The following IGSF11 variants were observed in gnomAD, a reference collection of about 807,000 sequenced individuals.
IGSF11 encodes CXADR like 1.
IGSF11 carries 22 observed loss-of-function variants against 41.0 expected under a neutral mutation model. That is an observed-to-expected ratio of 0.54 (90% CI 0.38 to 0.77). The LOEUF (loss-of-function observed/expected upper bound fraction) is 0.77, where lower values mean the gene tolerates loss of function less well. IGSF11 is among the 30% of genes least tolerant of loss of function. IGSF11 has a pLI of 0.00. For synonymous variants in IGSF11, 219 were observed against 201.3 expected (o/e 1.09, Z -0.74); for missense variants, 444 against 530.8 (o/e 0.84, Z 1.61).
At chr3:119,024,998 T>C (rs1313775011) in intron 1 of IGSF11, among the ~76,000 whole-genome samples, 1 of 152,170 alleles carries the variant, frequency 6.6e-6, no homozygotes, top group Non-Finnish European at 1.5e-5. Flanking sequence ...TCAAAGTAAG[T>C]AGCAATCAAT....
chr3:118,968,647 T>C (rs905681350), intron 1 of IGSF11, among the ~76,000 whole-genome samples: 18 of 152,088 alleles, frequency 1.2e-4, no homozygotes, highest in Admixed American at 7.9e-4. Flanking sequence ...AACTCTCTCT[T>C]TATCTCTTCG....
intron 1 of IGSF11, among the ~76,000 whole-genome samples, chr3:119,112,189 C>A (rs932272238): frequency 3.3e-5 from 5 of 152,210 alleles, no homozygotes; most frequent in African/African-American, 7.2e-5. Flanking sequence ...TGTGCCCTGC[C>A]CCCAGAGGTG....
chr3:119,141,222 C>T (rs1298710665), intron 1 of IGSF11, among the ~76,000 whole-genome samples: 2 of 151,160 alleles, frequency 1.3e-5, no homozygotes. Flanking sequence ...TGAGATAAAT[C>T]CAAATGAAAA....
intron 1 of IGSF11, among the ~76,000 whole-genome samples, chr3:119,099,887 T>C (rs1490688215): frequency 6.6e-6 from 1 of 152,176 alleles, no homozygotes; most frequent in Non-Finnish European, 1.5e-5. Flanking sequence ...AAACTCTGGG[T>C]AGTATTGAAC....
chr3:119,002,199 G>C (rs1427323986), intron 1 of IGSF11, among the ~76,000 whole-genome samples: 1 of 135,338 alleles, frequency 7.4e-6, no homozygotes. Context: ...TAGTGGTTTT[G>C]ATTTGCATTT....
chr3:118,913,803 A>G (rs769571424), intron 4 of IGSF11, among the ~76,000 whole-genome samples: 5 of 152,226 alleles, frequency 3.3e-5, no homozygotes, highest in Non-Finnish European at 7.3e-5. Flanking sequence ...GATGATTAAT[A>G]AGGAGAAAAG....
chr3:119,119,271 A>G (rs1329200599), intron 1 of IGSF11, among the ~76,000 whole-genome samples: 1 of 152,198 alleles, frequency 6.6e-6, no homozygotes, highest in African/African-American at 2.4e-5. Context: ...AAACTTCCAC[A>G]TGGCCAGGGA....
chr3:119,129,889 G>T (rs1398767006), intron 1 of IGSF11, among the ~76,000 whole-genome samples: 2 of 152,138 alleles, frequency 1.3e-5, no homozygotes, highest in Non-Finnish European at 2.9e-5. Flanking sequence ...GGGAGCTGAG[G>T]TGAGAGGATT....
chr3:118,905,389 T>G (rs987143514), intron 5 of IGSF11, among the ~76,000 whole-genome samples: 4 of 152,190 alleles, frequency 2.6e-5, no homozygotes, highest in African/African-American at 9.7e-5. Context: ...AGAAAGATAT[T>G]TTTTCATAAA....
intron 1 of IGSF11, among the ~76,000 whole-genome samples, chr3:118,931,145 G>A (rs1459585694): frequency 1.3e-5 from 2 of 152,098 alleles, no homozygotes; most frequent in African/African-American, 4.8e-5. Flanking sequence ...TTCAACAAAT[G>A]GTGCTGGGAT....
chr3:119,048,267 A>T (rs1248625208), intron 1 of IGSF11, among the ~76,000 whole-genome samples: 4 of 152,046 alleles, frequency 2.6e-5, no homozygotes. Flanking sequence ...AAATAAAGAA[A>T]AAAAGAGAGA....
chr3:119,127,309 C>G (rs144006151), intron 1 of IGSF11, among the ~76,000 whole-genome samples: 4 of 149,812 alleles, frequency 2.7e-5, no homozygotes, highest in African/African-American at 1.0e-4. Context: ...TGAAATAAGA[C>G]ATGCAGACAA....
At chr3:118,932,755 T>C (rs1386484349) in intron 1 of IGSF11, among the ~76,000 whole-genome samples, 1 of 152,172 alleles carries the variant, frequency 6.6e-6, no homozygotes, top group East Asian at 1.9e-4. Flanking sequence ...TAAGAATAAG[T>C]GTGGAAGCCA....
At chr3:118,935,395 C>T (rs1943188168) in intron 1 of IGSF11, among the ~76,000 whole-genome samples, 1 of 102,592 alleles carries the variant, frequency 9.7e-6, no homozygotes, top group Admixed American at 1.2e-4. Context: ...CACACACACA[C>T]ATACACACAC....
At chr3:118,987,812 T>C (rs1272289003) in intron 1 of IGSF11, among the ~76,000 whole-genome samples, 1 of 152,168 alleles carries the variant, frequency 6.6e-6, no homozygotes, top group Non-Finnish European at 1.5e-5. Context: ...GAATACCAAC[T>C]CAGATCCTTC....
chr3:119,120,386 T>C (rs1039221700), intron 1 of IGSF11, among the ~76,000 whole-genome samples: 9 of 152,256 alleles, frequency 5.9e-5, no homozygotes, highest in African/African-American at 2.2e-4. Flanking sequence ...TTCTTCGTCT[T>C]GGCTGAGAAA....
At chr3:118,954,008 TATC>T (rs1400479021) in intron 1 of IGSF11, among the ~76,000 whole-genome samples, 2 of 152,188 alleles carry the variant, frequency 1.3e-5, no homozygotes, top group African/African-American at 4.8e-5. Context: ...ATTCCAATGT[TATC>T]TTCTAGAATT....
chr3:119,047,608 G>C (rs1406336734), intron 1 of IGSF11, among the ~76,000 whole-genome samples: 1 of 152,048 alleles, frequency 6.6e-6, no homozygotes, highest in Non-Finnish European at 1.5e-5. Context: ...AGTCAACAAG[G>C]ATACCCAGGA....
intron 1 of IGSF11, among the ~76,000 whole-genome samples, chr3:118,979,798 A>G (rs563980852): frequency 6.6e-6 from 1 of 152,362 alleles, no homozygotes; most frequent in African/African-American, 2.4e-5. Context: ...AGGGACTAAT[A>G]TCCAGAATAT....
Sources: allele counts gnomAD v4.1 joint callset (sites outside exome capture counted in the v4.1 genomes callset), GRCh38; gene constraint gnomAD v4.1.1; transcripts MANE v1.5; gene names NCBI Gene and HGNC (gene_info 2026-07-23, HGNC 2026-07-21).